OCA2: variants seen among roughly 807,000 people sequenced by gnomAD.
The protein encoded by OCA2 is P protein.
Under a neutral mutation model 100.2 loss-of-function variants are expected in OCA2, and 77 were observed. That is an observed-to-expected ratio of 0.77 (90% CI 0.64 to 0.93). OCA2 has a LOEUF of 0.93. Ranked by LOEUF, OCA2 falls within the 40% of genes least tolerant of loss-of-function variation. The pLI is 0.00. For synonymous variants in OCA2, 432 were observed against 439.2 expected, an observed-to-expected ratio of 0.98 and a Z score of 0.21; for missense variants, 1,062 against 1,089.1, an observed-to-expected ratio of 0.98 and a Z score of 0.35.
At chr15:27,846,530 C>T (rs2035542197) in intron 22 of OCA2, among the ~76,000 whole-genome samples, 1 of 152,066 alleles carries the variant, frequency 6.6e-6, no homozygotes, top group South Asian at 2.1e-4. Context: ...ATTTTCTCTC[C>T]CATTAAGGAT....
At chr15:27,782,099 T>C (rs2032573957) in intron 23 of OCA2, among the ~76,000 whole-genome samples, 1 of 152,242 alleles carries the variant, frequency 6.6e-6, no homozygotes, top group Admixed American at 6.5e-5. Context: ...CTGTCTTTCC[T>C]TTTTTGCTCT....
At chr15:28,070,353 G>T (rs2044204420) in intron 2 of OCA2, among the ~76,000 whole-genome samples, 1 of 144,086 alleles carries the variant, frequency 6.9e-6, no homozygotes, top group East Asian at 2.2e-4. Context: ...CCCCGTCCGG[G>T]AGGTGAGGGG....
At chr15:27,741,314 TGG>T in the OCA2 span, among the ~76,000 whole-genome samples, 1 of 152,112 alleles carries the variant, frequency 6.6e-6, no homozygotes, top group Non-Finnish European at 1.5e-5. Context: ...ACATTGCCAT[TGG>T]GGGAAGGACT....
At chr15:27,926,286 G>A in intron 18 of OCA2, 32 bp from the exon 19 acceptor site, 1 of 1,612,928 alleles carries the variant, frequency 6.2e-7, no homozygotes, top group African/African-American at 1.3e-5. Flanking sequence ...TAGAGATATA[G>A]TTCCACTGTT....
At chr15:27,820,880 C>T (rs1206704240) in intron 23 of OCA2, among the ~76,000 whole-genome samples, 1 of 152,164 alleles carries the variant, frequency 6.6e-6, no homozygotes. Context: ...TAACCACCTA[C>T]TAAACATTTC....
Position 28,081,723 on chromosome 15 carries a change from C to T in OCA2, c.152G>A (p.Cys51Tyr). ...GAGGADPSHSCPRGAAGQSSW... is the reference protein window; with the variant it reads ...GAGGADPSHSYPRGAAGQSSW... ...GCTCTGCCCGGCAGCCCCCCTGGGGCAGGAGTGCGAGGGGTCAGCTCCACC... is the reference window on the plus strand; with the variant it reads ...GCTCTGCCCGGCAGCCCCCCTGGGGTAGGAGTGCGAGGGGTCAGCTCCACC... Residue 51 changes from cysteine (C) to tyrosine (Y), a missense_variant, in exon 2 of 24, where the codon TGC becomes TAC. Coordinates refer to ENST00000354638, the MANE Select transcript of OCA2 (RefSeq NM_000275.3). 6.2e-7 allele frequency: 1 copy of T among 1,613,692 alleles called. No individual in the cohort carries two copies. The highest frequency in any genetic ancestry group is 1.1e-5 in the South Asian group (1 of 91,062).
Position 28,018,492 on chromosome 15 carries a change from C to T in OCA2, c.712G>A (p.Ala238Thr), listed in dbSNP as rs1352835566. 2 of 1,613,710 alleles carry T rather than the reference C, an allele frequency of 1.2e-6. No homozygotes were observed. The highest frequency in any genetic ancestry group is 2.2e-5 in the East Asian group (1 of 44,888). Residue 238 changes from alanine to threonine, a missense_variant, in exon 7 of 24, where the codon GCC (alanine) becomes ACC (threonine). By Grantham distance (58) the Ala-to-Thr change is moderately conservative. Coordinates refer to ENST00000354638, the MANE Select transcript of OCA2 (RefSeq NM_000275.3). Reference protein sequence around the residue: ...LQVDLAGALVASGPSRPGREE... With the variant: ...LQVDLAGALVTSGPSRPGREE... ...CTCCCAGGACGACTCGGCCCACTGGCCACTAGGGCCCCTGCCAGGTCCACC... is the reference window on the plus strand; with the variant it reads ...CTCCCAGGACGACTCGGCCCACTGGTCACTAGGGCCCCTGCCAGGTCCACC...
At chr15:27,972,050 T>G (rs765576705) in intron 14 of OCA2, among the ~76,000 whole-genome samples, 7 of 152,226 alleles carry the variant, frequency 4.6e-5, no homozygotes, top group Admixed American at 2.6e-4. Flanking sequence ...TAGCTCCCAC[T>G]TATATGTGAG....
chr15:28,003,226 T>C (rs1372368045), intron 9 of OCA2, among the ~76,000 whole-genome samples: 3 of 152,262 alleles, frequency 2.0e-5, no homozygotes, highest in East Asian at 3.8e-4. Flanking sequence ...TATAGAAGCT[T>C]AGCTCCGCAA....
intron 2 of OCA2, among the ~76,000 whole-genome samples, chr15:28,044,975 A>G (rs925316285): frequency 6.6e-6 from 1 of 152,124 alleles, no homozygotes; most frequent in African/African-American, 2.4e-5. Context: ...TTCAATTTTT[A>G]TTTCTTTCCC....
In OCA2 at chr15:27,847,947, G is replaced by A. The variant is rs570825560; in HGVS notation, c.2339-2895C>T. On this transcript the variant is annotated intron_variant, in intron 22 of 23. Coordinates refer to ENST00000354638, the MANE Select transcript of OCA2 (RefSeq NM_000275.3). Reference sequence around the variant, plus strand: ...CAGGACCTGCTCCCTGCACCTGTGCGCTCTGCCACCTGCCAGCAACACACA... The same window carrying A: ...CAGGACCTGCTCCCTGCACCTGTGCACTCTGCCACCTGCCAGCAACACACA... 3.2e-4 allele frequency among the ~76,000 whole-genome samples: 48 copies of A among 152,304 alleles called. No individual in the cohort carries two copies. In the East Asian group the frequency reaches 3.3e-3, roughly 10 times the overall value.
intron 2 of OCA2, among the ~76,000 whole-genome samples, chr15:28,081,345 C>CA (rs1198190000): frequency 6.6e-6 from 1 of 152,044 alleles, no homozygotes; most frequent in Non-Finnish European, 1.5e-5. Flanking sequence ...GGCATGCCCT[C>CA]AGAGACATAC....
In OCA2 at chr15:27,957,924, A is replaced by G. The variant is rs1045071337; in HGVS notation, c.1637-189T>C. Among the ~76,000 whole-genome samples, 6 of 152,202 alleles carry G rather than the reference A, an allele frequency of 3.9e-5. No individual in the cohort carries two copies. Among genetic ancestry groups the G allele is most frequent in the African/African-American group, 1.4e-4 (6 of 41,456 alleles). On this transcript the variant is annotated intron_variant, in intron 15 of 23. Transcript: ENST00000354638. The surrounding 1 kb of genome is among the most constrained non-coding windows in gnomAD (Gnocchi z 4.3). ...ATGGAGCCCAGACGACAAAGCCGAC[A>G]TTTAAAAATTATCACAAATTGCAAG...
At chr15:27,978,742 A>G (rs1040283979) in intron 14 of OCA2, among the ~76,000 whole-genome samples, 10 of 151,492 alleles carry the variant, frequency 6.6e-5, no homozygotes, top group African/African-American at 2.4e-4. Context: ...CTGGAGTGCA[A>G]TGGGGTGATC....
At chr15:28,078,482 T>C (rs1363313882) in intron 2 of OCA2, among the ~76,000 whole-genome samples, 3 of 152,226 alleles carry the variant, frequency 2.0e-5, no homozygotes, top group African/African-American at 4.8e-5. Flanking sequence ...GACTATCCCT[T>C]GTGCCTGCCC....
intron 23 of OCA2, 39 bp from the exon 24 acceptor site, chr15:27,755,511 C>G: frequency 6.6e-7 from 1 of 1,513,368 alleles, no homozygotes; most frequent in East Asian, 2.3e-5. Flanking sequence ...CATCTGAAAT[C>G]TGGATAATCT....
intron 23 of OCA2, chr15:27,775,768 CTG>C (rs1405773520): frequency 1.3e-5 from 2 of 152,434 alleles, no homozygotes; most frequent in South Asian, 2.1e-4. Context: ...CGTCTTCTCC[CTG>C]TGTCTTCACA....
chr15:27,858,311 T>C (rs2036012595), intron 21 of OCA2, among the ~76,000 whole-genome samples: 2 of 149,736 alleles, frequency 1.3e-5, no homozygotes, highest in Admixed American at 1.3e-4. Flanking sequence ...GAGGCAGAGG[T>C]TGCAGTGAGC....
intron 23 of OCA2, among the ~76,000 whole-genome samples, chr15:27,827,488 T>C (rs2034777323): frequency 6.6e-6 from 1 of 151,796 alleles, no homozygotes; most frequent in Admixed American, 6.6e-5. Flanking sequence ...ACCAGCCAAA[T>C]CCAATGTGCA....
Sources: allele counts gnomAD v4.1 joint callset (sites outside exome capture counted in the v4.1 genomes callset), GRCh38; gene constraint gnomAD v4.1.1; non-coding constraint Gnocchi (gnomAD v3.1); transcripts MANE v1.5; gene names NCBI Gene and HGNC (gene_info 2026-07-23, HGNC 2026-07-21).